Variants in KIF5C observed in about 807,000 individuals in gnomAD.
KIF5C encodes the protein kinesin heavy chain isoform 5C.
KIF5C carries 18 observed loss-of-function variants against 125.2 expected under a neutral mutation model. The ratio of observed to expected loss-of-function variants is 0.14; its 90% confidence interval spans 0.10 to 0.21. The LOEUF (loss-of-function observed/expected upper bound fraction) is 0.21, where lower values mean the gene tolerates loss of function less well. KIF5C is among the 10% of genes least tolerant of loss of function. The pLI is 1.00. For missense variants in KIF5C, 780 were observed against 1,183.8 expected (o/e 0.66, Z 5.01); for synonymous variants, 405 against 434.0 (o/e 0.93, Z 0.83).
Position 148,922,188 on chromosome 2 carries a change from G to C in KIF5C, c.178G>C (p.Glu60Gln). Reference sequence around the variant, plus strand: ...AGTGCTACCTCCCAACACGACCCAAGAGCAGGTTTACAATGCATGTGCGAA... The same window carrying C: ...AGTGCTACCTCCCAACACGACCCAACAGCAGGTTTACAATGCATGTGCGAA... Reference protein sequence around the residue: ...DRVLPPNTTQEQVYNACAKQI... With the variant: ...DRVLPPNTTQQQVYNACAKQI... The change falls in exon 2 of 26, where the codon GAG becomes CAG. Residue 60 changes from glutamate (E) to glutamine (Q), a missense_variant. Transcript: ENST00000435030. 1.2e-6 allele frequency: 2 copies of C among 1,613,604 alleles called. No individual in the cohort carries two copies. Among genetic ancestry groups the C allele is most frequent in the Non-Finnish European group, 1.7e-6 (2 of 1,179,812 alleles).
intron 11 of KIF5C, among the ~76,000 whole-genome samples, chr2:148,970,749 G>C (rs1680877684): frequency 6.6e-6 from 1 of 152,178 alleles, no homozygotes; most frequent in African/African-American, 2.4e-5. Flanking sequence ...TGCTGCTAAG[G>C]TTATAGAAGT....
At chr2:148,979,024 G>T in intron 13 of KIF5C, 34 bp downstream of exon 13, 1 of 1,526,012 alleles carries the variant, frequency 6.6e-7, no homozygotes, top group African/African-American at 1.4e-5. Context: ...TTTCCACAAA[G>T]TTCTTCTATT....
chr2:148,959,746 C>T (rs919342011), intron 10 of KIF5C, among the ~76,000 whole-genome samples: 2 of 152,196 alleles, frequency 1.3e-5, no homozygotes, highest in Non-Finnish European at 2.9e-5. Context: ...GCTCCTTTTC[C>T]TCTGGCTTCC....
At chr2:148,997,213 G>T in intron 17 of KIF5C, 51 bp from the exon 18 acceptor site, 1 of 1,578,232 alleles carries the variant, frequency 6.3e-7, no homozygotes, top group Non-Finnish European at 8.6e-7. Flanking sequence ...TTGCTTTTGG[G>T]TGTGAGTCCC....
At chr2:148,933,457 A>AC (rs1682219914) in intron 3 of KIF5C, among the ~76,000 whole-genome samples, 1 of 151,208 alleles carries the variant, frequency 6.6e-6, no homozygotes, top group Non-Finnish European at 1.5e-5. Context: ...CACCCCCCCC[A>AC]CATACATCGT....
At chr2:148,958,509 A>T (rs902012776) in intron 10 of KIF5C, among the ~76,000 whole-genome samples, 2 of 152,102 alleles carry the variant, frequency 1.3e-5, no homozygotes, top group Non-Finnish European at 2.9e-5. Flanking sequence ...GTCTTTGCCC[A>T]GTTTTTTCTT....
intron 10 of KIF5C, among the ~76,000 whole-genome samples, chr2:148,956,048 A>G (rs1465996195): frequency 6.6e-6 from 1 of 152,202 alleles, no homozygotes; most frequent in Non-Finnish European, 1.5e-5. Flanking sequence ...AGGAAATATG[A>G]GTGTAGGAAA....
Position 148,950,388 on chromosome 2 carries a change from C to A in KIF5C, c.894C>A (p.Thr298=). The part of the protein sequence containing the change: ...LQDSLGGNCR[T]TIVICCSPSV... ...ACTCTTTGGGTGGGAACTGCAGAACCACCATCGTCATTTGCTGTTCTCCTT... is the reference window on the plus strand; with the variant it reads ...ACTCTTTGGGTGGGAACTGCAGAACAACCATCGTCATTTGCTGTTCTCCTT... The change falls in exon 10 of 26, where the codon ACC becomes ACA. Residue 298 remains threonine (T), a synonymous_variant. Coordinates refer to ENST00000435030, the MANE Select transcript of KIF5C (RefSeq NM_004522.3). 6.2e-7 allele frequency: 1 copy of A among 1,614,022 alleles called. No homozygotes were observed. The highest frequency in any genetic ancestry group is 8.5e-7 in the Non-Finnish European group (1 of 1,179,898).
chr2:148,969,342 A>G (rs1012878116), intron 11 of KIF5C, among the ~76,000 whole-genome samples: 1 of 151,700 alleles, frequency 6.6e-6, no homozygotes, highest in Non-Finnish European at 1.5e-5. Context: ...TGTAAACACA[A>G]ATCTTTTTAG....
At chr2:148,994,576 G>A in intron 17 of KIF5C, 38 bp downstream of exon 17, 2 of 1,544,610 alleles carry the variant, frequency 1.3e-6, no homozygotes, top group Non-Finnish European at 8.7e-7. Context: ...CAAACACCTG[G>A]CCTGAGTCAG....
intron 10 of KIF5C, among the ~76,000 whole-genome samples, chr2:148,958,171 A>C (rs1029186623): frequency 1.3e-5 from 2 of 152,168 alleles, no homozygotes; most frequent in Non-Finnish European, 2.9e-5. Context: ...ATTGGTTGTC[A>C]TGCCTTTGGG....
At position 148,997,515 on chromosome 2, in the gene KIF5C, A is replaced by G. The variant is rs891478977; in HGVS notation, c.2100+175A>G. The G allele has an allele frequency of 2.5e-6, 3 of 1,201,522 alleles. No individual in the cohort carries two copies. In the African/African-American group the frequency reaches 4.6e-5, roughly 18 times the overall value. 74.4% of individuals were successfully genotyped at this position (1,201,522 alleles called of 1,614,324 possible). ...AGAGTATAGCCTGGCTTAGAAATGA[A>G]CAAGTCCAGAAACCCCAAGATGTCT... On this transcript the variant is annotated intron_variant, in intron 18 of 25. Transcript: ENST00000435030.
At chr2:148,879,234 T>G (rs1253473798) in intron 1 of KIF5C, 1 of 152,238 alleles carries the variant, frequency 6.6e-6, no homozygotes, top group Non-Finnish European at 1.5e-5. Context: ...AGACAAGAAC[T>G]GTGCATGTTT....
intron 16 of KIF5C, among the ~76,000 whole-genome samples, chr2:148,993,289 A>G (rs1338437546): frequency 6.6e-6 from 1 of 152,202 alleles, no homozygotes; most frequent in African/African-American, 2.4e-5. Context: ...ACTTTGCTGT[A>G]TGAGATCAGA....
At chr2:148,966,224 T>G (rs1001980969) in intron 11 of KIF5C, among the ~76,000 whole-genome samples, 1 of 152,188 alleles carries the variant, frequency 6.6e-6, no homozygotes, top group African/African-American at 2.4e-5. Context: ...GCCTTGTCAA[T>G]TGTGTGCAGT....
At chr2:148,993,150 C>A (rs553580300) in intron 16 of KIF5C, among the ~76,000 whole-genome samples, 1 of 152,282 alleles carries the variant, frequency 6.6e-6, no homozygotes, top group Admixed American at 6.5e-5. Flanking sequence ...TGAGGGTGGT[C>A]TATAGGGGAC....
intron 21 of KIF5C, among the ~76,000 whole-genome samples, chr2:149,002,709 C>G (rs965671656): frequency 6.6e-6 from 1 of 152,154 alleles, no homozygotes; most frequent in Admixed American, 6.5e-5. Context: ...CCCCCTCACA[C>G]GCACGCAGGC....
At chr2:148,883,624 A>C (rs1231627471) in intron 1 of KIF5C, 1 of 151,488 alleles carries the variant, frequency 6.6e-6, no homozygotes, top group Non-Finnish European at 1.5e-5. Context: ...TATTTTATAA[A>C]ATCTATTTTA....
intron 22 of KIF5C, among the ~76,000 whole-genome samples, chr2:149,006,152 CTGTT>C (rs1417905442): frequency 5.3e-5 from 8 of 152,074 alleles, no homozygotes; most frequent in Non-Finnish European, 7.3e-5. Context: ...AGGAAGGAGT[CTGTT>C]TAAGAAAAGT....
Sources: gnomAD v4.1 joint callset for allele counts (sites outside exome capture counted in the v4.1 genomes callset) on GRCh38, gnomAD v4.1.1 for gene constraint, MANE v1.5 for transcripts, NCBI Gene and HGNC (gene_info 2026-07-23, HGNC 2026-07-21) for gene names.